MAP2K1: variants seen among roughly 807,000 people sequenced by gnomAD.
The protein encoded by MAP2K1 is dual specificity mitogen-activated protein kinase kinase 1.
A neutral mutation model predicts 46.3 loss-of-function variants in MAP2K1; 16 were observed. The observed-to-expected ratio is 0.35, with a 90% CI of 0.23 to 0.52. MAP2K1 has a LOEUF of 0.52. MAP2K1 is among the 20% of genes least tolerant of loss of function. The pLI, the probability that MAP2K1 is intolerant of heterozygous loss-of-function variation, is 0.94. For missense variants in MAP2K1, 263 were observed against 497.1 expected (o/e 0.53, Z 4.48); for synonymous variants, 183 against 185.6 (o/e 0.99, Z 0.11).
intron 1 of MAP2K1, among the ~76,000 whole-genome samples, chr15:66,399,205 A>G (rs917114336): frequency 2.0e-5 from 3 of 152,210 alleles, no homozygotes; most frequent in African/African-American, 7.2e-5. Context: ...GATAAAGCAA[A>G]TGGAACGGAA....
intron 1 of MAP2K1, among the ~76,000 whole-genome samples, chr15:66,421,637 C>T: frequency 6.6e-6 from 1 of 151,286 alleles, no homozygotes; most frequent in African/African-American, 2.4e-5. Context: ...CCTGTCTCTA[C>T]TAAAAAAAAT....
intron 5 of MAP2K1, among the ~76,000 whole-genome samples, chr15:66,449,593 A>G (rs1891979331): frequency 6.6e-6 from 1 of 152,198 alleles, no homozygotes; most frequent in Admixed American, 6.5e-5. Flanking sequence ...TAAAATGGTA[A>G]CTGTAGGCTG....
intron 3 of MAP2K1, among the ~76,000 whole-genome samples, chr15:66,440,018 C>G (rs2093499406): frequency 6.6e-6 from 1 of 151,812 alleles, no homozygotes; most frequent in Admixed American, 6.6e-5. Context: ...GATTCTACAA[C>G]TTATGTTTTG....
chr15:66,430,242 T>C (rs934130254), intron 1 of MAP2K1, among the ~76,000 whole-genome samples: 2 of 152,188 alleles, frequency 1.3e-5, no homozygotes, highest in Non-Finnish European at 2.9e-5. Flanking sequence ...GTAGCATTCC[T>C]GCTTGCCAGA....
rs1428368543 is a variant in MAP2K1, at chr15:66,436,775, C to T, written c.321C>T (p.Ile107=). 3.1e-6 allele frequency: 5 copies of T among 1,614,218 alleles called. No homozygotes were observed. The highest frequency in any genetic ancestry group is 1.3e-5 in the African/African-American group (1 of 75,070). Residue 107 remains isoleucine, a synonymous_variant, in exon 3 of 11, where the codon ATC becomes ATT. Transcript: ENST00000307102. The stretch of plus-strand genomic sequence containing the variant: ...TTCATCTGGAGATCAAACCCGCAAT[C>T]CGGAACCAGATCATAAGGGAGCTGC... ...KLIHLEIKPA[I]RNQIIRELQV... is the part of the protein sequence containing the mutation.
At chr15:66,453,876 A>G (rs572448153) in intron 5 of MAP2K1, among the ~76,000 whole-genome samples, 2 of 152,022 alleles carry the variant, frequency 1.3e-5, no homozygotes, top group Non-Finnish European at 1.5e-5. Flanking sequence ...ATGGCTCACT[A>G]TAGCCTTGGC....
At chr15:66,419,910 TCTGTTGG>T (rs1272429797) in intron 1 of MAP2K1, among the ~76,000 whole-genome samples, 2 of 146,252 alleles carry the variant, frequency 1.4e-5, no homozygotes, top group Non-Finnish European at 3.0e-5. Flanking sequence ...AAAAAAAAAG[TCTGTTGG>T]CTTGGAAACT....
At position 66,485,112 on chromosome 15, in the gene MAP2K1, G is replaced by A. The variant is rs1893006483; in HGVS notation, c.816G>A (p.Glu272=). The A allele has an allele frequency of 1.9e-6, 3 of 1,614,072 alleles. No homozygotes were observed. Among genetic ancestry groups the A allele is most frequent in the Non-Finnish European group, 2.5e-6 (3 of 1,180,032 alleles). The change falls in exon 7 of 11, where the codon GAG becomes GAA. Residue 272 remains glutamate (E), a synonymous_variant. Transcript: ENST00000307102. ...CTCCTCCAGATGCCAAGGAGCTGGA[G>A]CTGATGTTTGGGTGCCAGGTGGAAG... ...PIPPPDAKEL[E]LMFGCQVEGD... is the part of the protein sequence containing the mutation.
intron 5 of MAP2K1, among the ~76,000 whole-genome samples, chr15:66,463,843 TAC>T (rs1892393314): frequency 6.6e-6 from 1 of 152,168 alleles, no homozygotes; most frequent in Admixed American, 6.5e-5. Context: ...ACGTAAGATG[TAC>T]ACTGGTTCTG....
At chr15:66,472,835 G>C (rs1892672798) in intron 5 of MAP2K1, among the ~76,000 whole-genome samples, 1 of 152,174 alleles carries the variant, frequency 6.6e-6, no homozygotes, top group Non-Finnish European at 1.5e-5. Flanking sequence ...GCCATACTTT[G>C]GTGGAGCCTG....
intron 1 of MAP2K1, among the ~76,000 whole-genome samples, chr15:66,415,887 TTAGAC>T (rs1318653687): frequency 6.6e-6 from 1 of 152,236 alleles, no homozygotes; most frequent in Non-Finnish European, 1.5e-5. Flanking sequence ...GAGTTTTACT[TTAGAC>T]TATATATTTC....
chr15:66,455,369 T>C (rs1435480090), intron 5 of MAP2K1, among the ~76,000 whole-genome samples: 1 of 152,224 alleles, frequency 6.6e-6, no homozygotes, highest in Non-Finnish European at 1.5e-5. Flanking sequence ...ATTCTTCAAA[T>C]AGAAGTTTTC....
intron 7 of MAP2K1, among the ~76,000 whole-genome samples, chr15:66,486,548 G>A (rs1893042144): frequency 6.6e-6 from 1 of 152,192 alleles, no homozygotes; most frequent in African/African-American, 2.4e-5. Flanking sequence ...GGCCACATAG[G>A]CTTGCAAGTA....
At chr15:66,423,335 A>G (rs148872895) in intron 1 of MAP2K1, among the ~76,000 whole-genome samples, 1 of 152,278 alleles carries the variant, frequency 6.6e-6, no homozygotes, top group South Asian at 2.1e-4. Flanking sequence ...TGATAGTTCC[A>G]ACATCTGGGT....
chr15:66,475,221 T>G (rs886747991), intron 5 of MAP2K1, among the ~76,000 whole-genome samples: 1 of 152,210 alleles, frequency 6.6e-6, no homozygotes, highest in African/African-American at 2.4e-5. Flanking sequence ...ATTTGACTCA[T>G]CCAGGTCAGC....
At position 66,491,471 on chromosome 15, in the gene MAP2K1, C is replaced by A. The variant is rs1893255290; in HGVS notation, c.*856C>A. On this transcript the variant is annotated 3_prime_UTR_variant, in exon 11 of 11. Coordinates refer to ENST00000307102, the MANE Select transcript of MAP2K1 (RefSeq NM_002755.4). Reference sequence around the variant, plus strand: ...ATGAAAATCCTTTTAACCATTTTAACCTAGATGTTTAACAAATCTAATCTC... The same window carrying A: ...ATGAAAATCCTTTTAACCATTTTAAACTAGATGTTTAACAAATCTAATCTC... 4.6e-6 allele frequency: 1 copy of A among 215,766 alleles called. No individual in the cohort carries two copies. The highest frequency in any genetic ancestry group is 9.3e-6 in the Non-Finnish European group (1 of 107,302). The allele number at this position is 215,766 out of a possible 1,614,324, so 13.4% of individuals were successfully genotyped here. A position where few individuals can be genotyped will look rare whatever the true frequency, so the allele number is the denominator to read the frequency against.
intron 1 of MAP2K1, among the ~76,000 whole-genome samples, chr15:66,387,637 C>T (rs2093345210): frequency 6.6e-6 from 1 of 152,196 alleles, no homozygotes; most frequent in Admixed American, 6.5e-5. Context: ...GTCTCCATTC[C>T]TCTCTGTACC....
At chr15:66,471,168 T>A (rs1892624439) in intron 5 of MAP2K1, among the ~76,000 whole-genome samples, 1 of 152,202 alleles carries the variant, frequency 6.6e-6, no homozygotes, top group Non-Finnish European at 1.5e-5. Context: ...GCTTAGTGAT[T>A]TCTGGGGCCC....
Position 66,484,930 on chromosome 15 carries a change from T to C in MAP2K1, c.694-60T>C, listed in dbSNP as rs540208263. ...GAGAAGGGACAGAAGAGAAAATGCA[T>C]TAGCAGACCCAGGGGTCCAAGTTAG... On this transcript the variant is annotated intron_variant, in intron 6 of 10. Coordinates refer to ENST00000307102, the MANE Select transcript of MAP2K1 (RefSeq NM_002755.4). 2.4e-5 allele frequency: 33 copies of C among 1,366,328 alleles called. No individual in the cohort carries two copies. In the South Asian group the frequency reaches 3.5e-4, roughly 14 times the overall value. The allele number at this position is 1,366,328 out of a possible 1,614,324, so 84.6% of individuals were successfully genotyped here.
Sources: gnomAD v4.1 joint callset for allele counts (sites outside exome capture counted in the v4.1 genomes callset) on GRCh38, gnomAD v4.1.1 for gene constraint, MANE v1.5 for transcripts, NCBI Gene and HGNC (gene_info 2026-07-23, HGNC 2026-07-21) for gene names.